CCSER1: variants seen among roughly 807,000 people sequenced by gnomAD.
The protein encoded by CCSER1 is serine-rich coiled-coil domain-containing protein 1.
In CCSER1, 41 loss-of-function variants were observed where a neutral mutation model predicts 82.0. The observed-to-expected ratio is 0.50, with a 90% CI of 0.39 to 0.65. CCSER1 has a LOEUF of 0.65. Among genes scored for constraint, CCSER1 ranks in the 30% least tolerant of loss-of-function variants. The pLI is 0.00. For missense variants in CCSER1, 1,119 were observed against 1,064.2 expected (o/e 1.05, Z -0.72); for synonymous variants, 414 against 383.9 (o/e 1.08, Z -0.92).
intron 10 of CCSER1, among the ~76,000 whole-genome samples, chr4:91,365,255 C>T (rs1749529928): frequency 6.6e-6 from 1 of 152,116 alleles, no homozygotes; most frequent in Non-Finnish European, 1.5e-5. Context: ...TAACTACATC[C>T]ATGCGTGCAT....
intron 9 of CCSER1, among the ~76,000 whole-genome samples, chr4:90,937,622 T>C (rs1412564337): frequency 5.9e-5 from 9 of 152,240 alleles, no homozygotes; most frequent in Non-Finnish European, 5.9e-5. Context: ...GAACACCTAC[T>C]GTTTTCAAAC....
intron 3 of CCSER1, among the ~76,000 whole-genome samples, chr4:90,354,506 C>T (rs980970501): frequency 6.6e-6 from 1 of 152,078 alleles, no homozygotes; most frequent in African/African-American, 2.4e-5. Context: ...CACAAACACA[C>T]ACACGCACAA....
intron 5 of CCSER1, among the ~76,000 whole-genome samples, chr4:90,471,264 C>G (rs1031172868): frequency 1.3e-5 from 2 of 151,826 alleles, no homozygotes; most frequent in Admixed American, 1.3e-4. Flanking sequence ...TTCTTTCCCC[C>G]CAACCCCCAC....
In CCSER1 at chr4:91,153,385, G is replaced by A. The variant is rs143696621; in HGVS notation, c.2217+67391G>A. ...TCAGGTCATTTAAGGTCTTCTCTACGCTGTTTATTCTAGTTAGCCATCGTC... is the reference window on the plus strand; with the variant it reads ...TCAGGTCATTTAAGGTCTTCTCTACACTGTTTATTCTAGTTAGCCATCGTC... On this transcript the variant is annotated intron_variant, in intron 10 of 10. Coordinates refer to ENST00000509176, the MANE Select transcript of CCSER1 (RefSeq NM_001145065.2). 8.8e-3 allele frequency among the ~76,000 whole-genome samples: 1,335 copies of A among 151,792 alleles called. 14 individuals are homozygous for A. The highest frequency in any genetic ancestry group is 0.021 in the African/African-American group (876 of 41,452).
At chr4:90,495,096 C>T (rs895473466) in intron 5 of CCSER1, among the ~76,000 whole-genome samples, 1 of 152,132 alleles carries the variant, frequency 6.6e-6, no homozygotes, top group East Asian at 1.9e-4. Flanking sequence ...TGACTTGAAT[C>T]TTCTCTATTT....
chr4:91,068,335 C>T (rs573112957), intron 9 of CCSER1, among the ~76,000 whole-genome samples: 27 of 152,232 alleles, frequency 1.8e-4, no homozygotes, highest in African/African-American at 6.3e-4. Context: ...ACTGATCTGT[C>T]AAAATTATGA....
chr4:90,158,862 C>T (rs1248783403), intron 1 of CCSER1, among the ~76,000 whole-genome samples: 1 of 152,112 alleles, frequency 6.6e-6, no homozygotes, highest in African/African-American at 2.4e-5. Flanking sequence ...TGCTTCGGCT[C>T]GCGCAGGGTG....
Position 90,359,895 on chromosome 4 carries a change from GTGTATA to G in CCSER1, c.1510-40139_1510-40134del, listed in dbSNP as rs1397067926. 1.2e-4 allele frequency among the ~76,000 whole-genome samples: 9 copies of G among 77,858 alleles called. No homozygotes were observed. The East Asian group carries it at 3.3e-3, about 28-fold the overall frequency. The allele number at this position is 77,858 out of a possible 152,430, so 51.1% of individuals were successfully genotyped here. ...TATATGTGTGTATATATATGTGTGT[GTGTATA>G]TATATATATATATGTATATAATTTT... On this transcript the variant is annotated intron_variant, in intron 3 of 10. Transcript: ENST00000509176.
intron 10 of CCSER1, among the ~76,000 whole-genome samples, chr4:91,237,047 AAAGTT>A (rs1739063486): frequency 6.6e-6 from 1 of 152,180 alleles, no homozygotes; most frequent in South Asian, 2.1e-4. Flanking sequence ...CAATCTTTGT[AAAGTT>A]ATCACTGAAT....
chr4:90,163,499 A>G (rs1729865612), intron 1 of CCSER1, among the ~76,000 whole-genome samples: 1 of 152,104 alleles, frequency 6.6e-6, no homozygotes, highest in Non-Finnish European at 1.5e-5. Context: ...AGAGAGAAAA[A>G]AGACTACTTT....
intron 10 of CCSER1, among the ~76,000 whole-genome samples, chr4:91,098,820 C>G (rs551619614): frequency 6.6e-6 from 1 of 152,022 alleles, no homozygotes. Flanking sequence ...GGATTACAGG[C>G]GTGAGCCACC....
intron 10 of CCSER1, among the ~76,000 whole-genome samples, chr4:91,556,631 A>AATT (rs1762420255): frequency 6.6e-6 from 1 of 151,164 alleles, no homozygotes; most frequent in African/African-American, 2.4e-5. Context: ...GAAATATGTT[A>AATT]TATAAAGAGC....
intron 3 of CCSER1, among the ~76,000 whole-genome samples, chr4:90,344,088 G>A (rs1741908535): frequency 6.6e-6 from 1 of 151,980 alleles, no homozygotes; most frequent in Admixed American, 6.6e-5. Flanking sequence ...CTATCTCCAT[G>A]AGTTCAATTG....
At chr4:91,339,100 A>T (rs1747524042) in intron 10 of CCSER1, among the ~76,000 whole-genome samples, 1 of 152,168 alleles carries the variant, frequency 6.6e-6, no homozygotes, top group African/African-American at 2.4e-5. Flanking sequence ...AGTCTAGCAT[A>T]TAGAATTGTG....
chr4:90,332,397 G>C (rs1307258747), intron 3 of CCSER1, among the ~76,000 whole-genome samples: 2 of 151,716 alleles, frequency 1.3e-5, no homozygotes, highest in African/African-American at 4.8e-5. Context: ...CTACCACCCT[G>C]GGCTAACTTT....
intron 4 of CCSER1, among the ~76,000 whole-genome samples, chr4:90,407,457 T>A (rs1753897173): frequency 6.6e-6 from 1 of 151,952 alleles, no homozygotes; most frequent in Admixed American, 6.5e-5. Context: ...CTGTTGACAC[T>A]ATTCTGAAAG....
intron 10 of CCSER1, among the ~76,000 whole-genome samples, chr4:91,507,514 T>C (rs778522126): frequency 6.6e-6 from 1 of 151,990 alleles, no homozygotes; most frequent in Non-Finnish European, 1.5e-5. Flanking sequence ...CTGCAAGCTC[T>C]GCCTCTGGGG....
At chr4:91,276,171 AT>A (rs201843641) in intron 10 of CCSER1, among the ~76,000 whole-genome samples, 4,064 of 148,134 alleles carry the variant, frequency 0.027, 215 homozygotes, top group East Asian at 0.23. Context: ...ACATTTTAGG[AT>A]TTTTTTTTCT....
At chr4:90,713,387 C>G (rs1379737123) in intron 6 of CCSER1, among the ~76,000 whole-genome samples, 2 of 151,968 alleles carry the variant, frequency 1.3e-5, no homozygotes, top group Non-Finnish European at 2.9e-5. Flanking sequence ...GATCTTATTT[C>G]TCTTTCACTT....
Sources: gnomAD v4.1 joint callset for allele counts (sites outside exome capture counted in the v4.1 genomes callset) on GRCh38, gnomAD v4.1.1 for gene constraint, MANE v1.5 for transcripts, NCBI Gene and HGNC (gene_info 2026-07-23, HGNC 2026-07-21) for gene names.